The following CDC26 variants were observed in gnomAD, a reference collection of about 807,000 sequenced individuals.
CDC26 encodes cell division cycle 26.
In CDC26, 2 loss-of-function variants were observed where a neutral mutation model predicts 8.0. That is an observed-to-expected ratio of 0.25 (90% CI 0.10 to 0.79). The LOEUF is 0.79. Ranked by LOEUF, CDC26 falls within the 30% of genes least tolerant of loss-of-function variation. The pLI is 0.70. For missense variants in CDC26, 68 were observed against 106.0 expected, an observed-to-expected ratio of 0.64 and a Z score of 1.57; for synonymous variants, 19 against 34.9, an observed-to-expected ratio of 0.55 and a Z score of 1.60.
chr9:113,268,236 A>G (rs1477715808), intron 3 of CDC26, among the ~76,000 whole-genome samples: 4 of 152,216 alleles, frequency 2.6e-5, no homozygotes, highest in Non-Finnish European at 1.5e-5. Flanking sequence ...GAATAGAAAA[A>G]TAAATTGGGT....
intron 3 of CDC26, among the ~76,000 whole-genome samples, chr9:113,268,500 T>C (rs992217238): frequency 1.3e-5 from 2 of 152,122 alleles, no homozygotes; most frequent in African/African-American, 4.8e-5. Context: ...ATGATAACTT[T>C]CTCTAAGAGA....
chr9:113,274,716 A>C (rs1223181060), intron 1 of CDC26, among the ~76,000 whole-genome samples: 1 of 152,202 alleles, frequency 6.6e-6, no homozygotes, highest in Admixed American at 6.5e-5. Flanking sequence ...TAGTTCCCTC[A>C]TCTGTATCCT....
Position 113,272,483 on chromosome 9 carries a change from G to A in CDC26, c.25C>T (p.Leu9=). Residue 9 remains leucine (L), a synonymous_variant, in exon 3 of 4, where the codon CTA becomes TTA. Coordinates refer to ENST00000374206, the MANE Select transcript of CDC26 (RefSeq NM_139286.4). The stretch of plus-strand genomic sequence containing the variant: ...TCAATGTCATCAAGCTTTAGCTCTA[G>A]GCGTGTTGGTTTCCGTCTCAGCATA... MLRRKPTR[L]ELKLDDIEEF... 1 of 1,613,166 alleles carries A rather than the reference G, an allele frequency of 6.2e-7. No homozygotes were observed. Among genetic ancestry groups the A allele is most frequent in the Non-Finnish European group, 8.5e-7 (1 of 1,179,380 alleles).
At chr9:113,272,318 T>G (rs1334295627) in intron 3 of CDC26, 109 bp downstream of exon 3, 1 of 806,838 alleles carries the variant, frequency 1.2e-6, no homozygotes, top group East Asian at 2.5e-5. Context: ...CGCGGGAGGC[T>G]GAGGCAGAGG....
intron 2 of CDC26, among the ~76,000 whole-genome samples, 162 bp from the exon 3 acceptor site, chr9:113,272,710 A>G (rs537293983): frequency 1.3e-5 from 2 of 148,256 alleles, no homozygotes; most frequent in East Asian, 3.9e-4. Flanking sequence ...TTTTTTTTTA[A>G]GAGATAGGAT....
At chr9:113,273,645 T>G (rs1831993701) in intron 1 of CDC26, among the ~76,000 whole-genome samples, 1 of 151,746 alleles carries the variant, frequency 6.6e-6, no homozygotes, top group Admixed American at 6.6e-5. Flanking sequence ...GAGGCTCAAG[T>G]ACAGCTTTGG....
At chr9:113,268,642 G>A (rs532196107) in intron 3 of CDC26, among the ~76,000 whole-genome samples, 3 of 152,328 alleles carry the variant, frequency 2.0e-5, no homozygotes, top group East Asian at 1.9e-4. Context: ...CAGGCTGACC[G>A]CAGTGGCTCA....
At chr9:113,267,837 A>C (rs1479424973) in intron 3 of CDC26, among the ~76,000 whole-genome samples, 1 of 152,138 alleles carries the variant, frequency 6.6e-6, no homozygotes, top group Admixed American at 6.5e-5. Flanking sequence ...AAATACAAAA[A>C]TTAGCTGGGC....
In CDC26 at chr9:113,274,634, G is replaced by A. The variant is rs1832026569; in HGVS notation, c.-152+748C>T. 2.0e-5 allele frequency among the ~76,000 whole-genome samples: 3 copies of A among 152,282 alleles called. No homozygotes were observed. The South Asian group carries it at 6.2e-4, about 32-fold the overall frequency. On this transcript the variant is annotated intron_variant, in intron 1 of 3. Transcript: ENST00000374206. ...ACAGTTAAAAGTGCTGGCTGTAGAGGTTAAAGGGCACAGGTTTTAATCCCA... is the reference window on the plus strand; with the variant it reads ...ACAGTTAAAAGTGCTGGCTGTAGAGATTAAAGGGCACAGGTTTTAATCCCA...
intron 3 of CDC26, 146 bp downstream of exon 3, chr9:113,272,281 T>C (rs1257033303): frequency 3.1e-6 from 2 of 638,650 alleles, no homozygotes; most frequent in Admixed American, 5.3e-5. Flanking sequence ...GAGCTGGGCG[T>C]GCTGGCATGA....
In CDC26 at chr9:113,272,562, A is replaced by G. The variant is rs372927241; in HGVS notation, c.-41-14T>C. The G allele has an allele frequency of 1.5e-3, 2,025 of 1,318,606 alleles. 4 individuals carry two copies. Among genetic ancestry groups the G allele is most frequent in the Non-Finnish European group, 2.0e-3 (1,855 of 913,796 alleles). The allele number at this position is 1,318,606 out of a possible 1,614,324, so 81.7% of individuals were successfully genotyped here. On this transcript the variant is annotated splice_polypyrimidine_tract_variant and intron_variant, in intron 2 of 3. Transcript: ENST00000374206. ...GTGAACTATTAGCTGTTAAAAATGA[A>G]AGAGAGGAGGAAAATCTGAAGGTGA... is the stretch of plus-strand genomic sequence containing the variant.
chr9:113,274,180 C>G (rs575667984), intron 1 of CDC26, among the ~76,000 whole-genome samples: 12 of 152,170 alleles, frequency 7.9e-5, no homozygotes, highest in Non-Finnish European at 1.3e-4. Context: ...GCAAGCTGTT[C>G]AGTTTGGTTA....
intron 1 of CDC26, among the ~76,000 whole-genome samples, chr9:113,274,070 G>A (rs1272565650): frequency 1.3e-5 from 2 of 152,158 alleles, no homozygotes; most frequent in Non-Finnish European, 2.9e-5. Context: ...TGAGCACCGT[G>A]CTGTTTTTCC....
intron 3 of CDC26, among the ~76,000 whole-genome samples, chr9:113,271,086 G>T (rs1173776001): frequency 6.6e-6 from 1 of 152,172 alleles, no homozygotes; most frequent in East Asian, 1.9e-4. Context: ...GAATCAAAGG[G>T]TCTACAGACA....
chr9:113,270,396 A>G (rs149349981), intron 3 of CDC26, among the ~76,000 whole-genome samples: 2 of 152,354 alleles, frequency 1.3e-5, no homozygotes, highest in Non-Finnish European at 2.9e-5. Flanking sequence ...GGCCCCTACT[A>G]TGAACTAGAT....
chr9:113,267,716 C>G (rs533994142), intron 3 of CDC26, among the ~76,000 whole-genome samples: 1 of 151,984 alleles, frequency 6.6e-6, no homozygotes, highest in Non-Finnish European at 1.5e-5. Context: ...TGGCGGGGCA[C>G]GGTGGCTCAC....
rs551222899 is a variant in CDC26, at chr9:113,272,602, C to G, written c.-41-54G>C. 1.7e-5 allele frequency: 14 copies of G among 822,558 alleles called. No homozygotes were observed. The Admixed American group carries it at 1.9e-4, about 11-fold the overall frequency. 51.0% of individuals were successfully genotyped at this position (822,558 alleles called of 1,614,324 possible). A position where few individuals can be genotyped will look rare whatever the true frequency, so the allele number is the denominator to read the frequency against. The stretch of plus-strand genomic sequence containing the variant: ...TCTGAAGGTGATAAAGTCTCAGATA[C>G]AAAACATAAAATCAATTTGCAAGCA... On this transcript the variant is annotated intron_variant, in intron 2 of 3. Transcript: ENST00000374206.
chr9:113,267,527 G>A, intron 3 of CDC26, 88 bp from the exon 4 acceptor site: 6 of 1,445,680 alleles, frequency 4.2e-6, no homozygotes, highest in Non-Finnish European at 4.7e-6. Flanking sequence ...CTAGGCATGG[G>A]CTAAATGATA....
intron 3 of CDC26, among the ~76,000 whole-genome samples, chr9:113,269,698 G>C (rs12337709): frequency 0.24 from 36,506 of 151,944 alleles, 4,720 homozygotes; most frequent in African/African-American, 0.32. Context: ...TACAACTGAA[G>C]TTTAAGCCAT....
Sources: gnomAD v4.1 joint callset for allele counts (sites outside exome capture counted in the v4.1 genomes callset) on GRCh38, gnomAD v4.1.1 for gene constraint, MANE v1.5 for transcripts, NCBI Gene and HGNC (gene_info 2026-07-23, HGNC 2026-07-21) for gene names.